DYNC2LI1: variants seen among roughly 807,000 people sequenced by gnomAD.
The protein encoded by DYNC2LI1 is dynein cytoplasmic 2 light intermediate chain 1.
DYNC2LI1 carries 45 observed loss-of-function variants against 51.9 expected under a neutral mutation model. That is an observed-to-expected ratio of 0.87 (90% confidence interval 0.68 to 1.11). DYNC2LI1 has a LOEUF of 1.11. Among genes scored for constraint, DYNC2LI1 ranks in the 50% most tolerant of loss-of-function variants. The pLI is 0.00. For synonymous variants in DYNC2LI1, 130 were observed against 137.8 expected (o/e 0.94, Z 0.40); for missense variants, 490 against 417.4 (o/e 1.17, Z -1.51).
At chr2:43,823,659 A>C in the DYNC2LI1 span, among the ~76,000 whole-genome samples, 2 of 152,144 alleles carry the variant, frequency 1.3e-5, no homozygotes, top group Non-Finnish European at 2.9e-5. Flanking sequence ...AAAACTCCTC[A>C]AACTCTCCCC....
the DYNC2LI1 span, among the ~76,000 whole-genome samples, chr2:43,818,994 G>C: frequency 1.3e-5 from 2 of 152,162 alleles, no homozygotes; most frequent in African/African-American, 4.8e-5. Flanking sequence ...AGCCTTCATA[G>C]TGGTGTGACT....
chr2:43,783,935 G>A (rs946247615), intron 3 of DYNC2LI1, among the ~76,000 whole-genome samples: 1 of 152,132 alleles, frequency 6.6e-6, no homozygotes, highest in Non-Finnish European at 1.5e-5. Context: ...GAAGCACAGT[G>A]TTGGTCCTCA....
At chr2:43,812,930 G>T, downstream of DYNC2LI1, 1 of 603,792 alleles carries the variant, frequency 1.7e-6, no homozygotes, top group East Asian at 2.8e-5. Flanking sequence ...AAGAGCAAGG[G>T]ACTATAAACC....
the DYNC2LI1 span, among the ~76,000 whole-genome samples, chr2:43,816,448 G>A: frequency 6.6e-6 from 1 of 152,194 alleles, no homozygotes; most frequent in Non-Finnish European, 1.5e-5. Context: ...GAGAGAAATG[G>A]ATCAGTGAAA....
the DYNC2LI1 span, among the ~76,000 whole-genome samples, chr2:43,823,296 C>G: frequency 1.4e-5 from 2 of 148,070 alleles, no homozygotes; most frequent in East Asian, 4.0e-4. Context: ...GCCCCCACCA[C>G]CAGCAGCCTG....
At chr2:43,825,636 C>T in the DYNC2LI1 span, among the ~76,000 whole-genome samples, 4 of 152,042 alleles carry the variant, frequency 2.6e-5, no homozygotes, top group African/African-American at 7.2e-5. Flanking sequence ...TTTCTGAGAC[C>T]GAATCTCACT....
the DYNC2LI1 span, chr2:43,822,619 T>G: frequency 2.0e-6 from 2 of 984,938 alleles, no homozygotes; most frequent in Non-Finnish European, 2.4e-6. Context: ...AACCCACAGT[T>G]GGGCTATTTA....
At chr2:43,814,438 G>A (rs775887481), downstream of DYNC2LI1, 5 of 1,352,644 alleles carry the variant, frequency 3.7e-6, no homozygotes, top group Admixed American at 8.4e-5. Context: ...CTTCCTCAGA[G>A]TAACATGCAA....
At chr2:43,809,514 T>C (rs1450862371) in intron 12 of DYNC2LI1, among the ~76,000 whole-genome samples, 191 bp from the exon 13 acceptor site, 1 of 152,214 alleles carries the variant, frequency 6.6e-6, no homozygotes, top group Non-Finnish European at 1.5e-5. Flanking sequence ...ACACAGAAAC[T>C]CTGAAGACAG....
At chr2:43,816,152 A>C in the DYNC2LI1 span, among the ~76,000 whole-genome samples, 12 of 152,324 alleles carry the variant, frequency 7.9e-5, no homozygotes, top group African/African-American at 2.9e-4. Flanking sequence ...TGAGTGATGC[A>C]GTGTGTATAC....
chr2:43,823,892 C>T, the DYNC2LI1 span: 1 of 1,612,464 alleles, frequency 6.2e-7, no homozygotes, highest in Non-Finnish European at 8.5e-7. Flanking sequence ...AGAGGTGCAC[C>T]TCCAGCACGT....
intron 8 of DYNC2LI1, among the ~76,000 whole-genome samples, chr2:43,797,390 C>T (rs1323400480): frequency 6.6e-6 from 1 of 152,002 alleles, no homozygotes; most frequent in African/African-American, 2.4e-5. Flanking sequence ...ATGTGAAATG[C>T]TTAGCACAGG....
intron 5 of DYNC2LI1, chr2:43,794,013 G>A (rs1162172981): frequency 6.4e-6 from 1 of 157,236 alleles, no homozygotes; most frequent in Non-Finnish European, 1.4e-5. Context: ...GAGGGTTATT[G>A]TGGAGATTAA....
At chr2:43,778,420 C>T (rs992046703) in intron 2 of DYNC2LI1, among the ~76,000 whole-genome samples, 2 of 152,180 alleles carry the variant, frequency 1.3e-5, no homozygotes, top group Non-Finnish European at 2.9e-5. Flanking sequence ...TCCTAGAATG[C>T]TGGGATTACA....
chr2:43,825,649 G>T, the DYNC2LI1 span, among the ~76,000 whole-genome samples: 140 of 152,216 alleles, frequency 9.2e-4, no homozygotes, highest in African/African-American at 3.2e-3. Context: ...ATCTCACTCT[G>T]TCACCCAGGC....
At chr2:43,788,061 T>C (rs1364144218) in intron 4 of DYNC2LI1, among the ~76,000 whole-genome samples, 1 of 152,232 alleles carries the variant, frequency 6.6e-6, no homozygotes, top group Non-Finnish European at 1.5e-5. Flanking sequence ...AACTTCATTT[T>C]TGTGAGTCAC....
At chr2:43,813,270 G>T, downstream of DYNC2LI1, 1 of 1,613,850 alleles carries the variant, frequency 6.2e-7, no homozygotes, top group Middle Eastern at 1.6e-4. Context: ...TTGAGTGAAG[G>T]CACACATTGG....
chr2:43,822,724 C>T, the DYNC2LI1 span: 1 of 1,607,980 alleles, frequency 6.2e-7, no homozygotes, highest in Non-Finnish European at 8.5e-7. Flanking sequence ...CCCTGGAGCT[C>T]TCCCTGCACG....
At chr2:43,817,910 AAAACAAAC>A in the DYNC2LI1 span, among the ~76,000 whole-genome samples, 2 of 152,044 alleles carry the variant, frequency 1.3e-5, no homozygotes, top group Non-Finnish European at 2.9e-5. Context: ...ATTCCCTCTC[AAAACAAAC>A]AAACAAACAA....
Sources: allele counts gnomAD v4.1 joint callset (sites outside exome capture counted in the v4.1 genomes callset), GRCh38; gene constraint gnomAD v4.1.1; transcripts MANE v1.5; gene names NCBI Gene and HGNC (gene_info 2026-07-23, HGNC 2026-07-21).